Variants in SLC8A3 observed in about 807,000 individuals in gnomAD.
The protein encoded by SLC8A3 is solute carrier family 8 member A3.
SLC8A3 carries 37 observed loss-of-function variants against 65.4 expected under a neutral mutation model. The observed-to-expected ratio is 0.57, with a 90% confidence interval of 0.44 to 0.74. The LOEUF (loss-of-function observed/expected upper bound fraction) is 0.74, where lower values mean the gene tolerates loss of function less well. Among genes scored for constraint, SLC8A3 ranks in the 30% least tolerant of loss-of-function variants. The probability of loss-of-function intolerance (pLI) is 0.00; values close to 1 mark genes in which losing one functional copy is unlikely to be tolerated. For synonymous variants in SLC8A3, 461 were observed against 444.5 expected (o/e 1.04, Z -0.47); for missense variants, 1,112 against 1,172.1 (o/e 0.95, Z 0.75).
chr14:70,053,252 T>C (rs1887702126), intron 3 of SLC8A3, among the ~76,000 whole-genome samples: 1 of 152,200 alleles, frequency 6.6e-6, no homozygotes, highest in African/African-American at 2.4e-5. Context: ...CAAGGATCCA[T>C]GTCTTTCTGC....
chr14:70,098,550 G>GCCCCCA (rs1892346146), intron 2 of SLC8A3, among the ~76,000 whole-genome samples: 2 of 152,160 alleles, frequency 1.3e-5, no homozygotes, highest in African/African-American at 4.8e-5. Flanking sequence ...GGTTAGATGG[G>GCCCCCA]GGCAGCGGGA....
At position 70,098,045 on chromosome 14, in the gene SLC8A3, A is replaced by G. The variant is rs532963235; in HGVS notation, c.1785-37106T>C. On this transcript the variant is annotated intron_variant, in intron 2 of 6. Transcript: ENST00000356921. ...GCCCCATCAGGTCTGTGGGAGGGGA[A>G]ATCTGTAAGCAGCAACATCAATCAC... is the stretch of plus-strand genomic sequence containing the variant. 1.4e-4 allele frequency among the ~76,000 whole-genome samples: 21 copies of G among 152,282 alleles called. 1 individual carries two copies. The South Asian group carries it at 3.5e-3, about 26-fold the overall frequency.
chr14:70,166,259 G>A (rs925631538), intron 2 of SLC8A3, among the ~76,000 whole-genome samples: 1 of 152,170 alleles, frequency 6.6e-6, no homozygotes, highest in African/African-American at 2.4e-5. Context: ...TTCATATGAG[G>A]AAGGGAGGAA....
rs1285456843 is a variant in SLC8A3 at position 70,166,650 on chromosome 14, A to G, written c.1773T>C (p.Asn591=). The change falls in exon 2 of 7, where the codon AAT becomes AAC. Residue 591 remains asparagine (N), a synonymous_variant. Transcript: ENST00000356921. ...GGAAGGTTACTTACACAGTTTCATC[A>G]TTCTTGAATTCCAACTCCCCATATG... The part of the protein sequence containing the change: ...EDTYGELEFK[N]DETVKTIRVK... 6 of 1,585,996 alleles carry G rather than the reference A, an allele frequency of 3.8e-6. No individual in the cohort carries two copies. Among genetic ancestry groups the G allele is most frequent in the East Asian group, 4.5e-5 (2 of 44,658 alleles).
At chr14:70,189,380 G>A (rs563096960), upstream of SLC8A3, among the ~76,000 whole-genome samples, 1 of 152,324 alleles carries the variant, frequency 6.6e-6, no homozygotes, top group East Asian at 1.9e-4. Flanking sequence ...TTGTCCTCAG[G>A]AGACGCTGCC....
At chr14:70,137,923 T>G (rs1265517756) in intron 2 of SLC8A3, among the ~76,000 whole-genome samples, 2 of 151,988 alleles carry the variant, frequency 1.3e-5, no homozygotes, top group Non-Finnish European at 2.9e-5. Flanking sequence ...TTTAAGCAAG[T>G]CTCCTCATTC....
At chr14:70,137,673 G>C (rs992621406) in intron 2 of SLC8A3, among the ~76,000 whole-genome samples, 2 of 151,690 alleles carry the variant, frequency 1.3e-5, no homozygotes, top group African/African-American at 4.8e-5. Flanking sequence ...AGGAGGATGA[G>C]TTTTCAGCAG....
At chr14:70,057,223 A>C (rs1209100114) in intron 3 of SLC8A3, among the ~76,000 whole-genome samples, 1 of 152,190 alleles carries the variant, frequency 6.6e-6, no homozygotes, top group Non-Finnish European at 1.5e-5. Flanking sequence ...TCCCATGTAG[A>C]ATTCCAAAGG....
chr14:70,153,798 A>T (rs78579729), intron 2 of SLC8A3, among the ~76,000 whole-genome samples: 7,457 of 152,242 alleles, frequency 0.049, 223 homozygotes, highest in Middle Eastern at 0.075. Flanking sequence ...TCCTGCTCTC[A>T]TCTCATCACT....
At chr14:70,175,368 C>A (rs1246235191) in intron 1 of SLC8A3, among the ~76,000 whole-genome samples, 1 of 152,018 alleles carries the variant, frequency 6.6e-6, no homozygotes, top group Non-Finnish European at 1.5e-5. Context: ...CATAATTTAC[C>A]CAAGGTCTAC....
chr14:70,154,259 T>C lies in SLC8A3; in HGVS notation c.1784+12380A>G, dbSNP rs141093364. On this transcript the variant is annotated intron_variant, in intron 2 of 6. Coordinates refer to ENST00000356921, the MANE Select transcript of SLC8A3 (RefSeq NM_182932.3). ...GTAACACAATAGAAAGAATATGCAG[T>C]TTAAAATCAGAAGATCTAGGGCTAA... 2.5e-3 allele frequency among the ~76,000 whole-genome samples: 384 copies of C among 152,338 alleles called. 3 individuals are homozygous for C. Among genetic ancestry groups the C allele is most frequent in the African/African-American group, 8.9e-3 (372 of 41,580 alleles).
At chr14:70,054,437 T>C (rs942869943) in intron 3 of SLC8A3, among the ~76,000 whole-genome samples, 1 of 152,040 alleles carries the variant, frequency 6.6e-6, no homozygotes, top group Admixed American at 6.5e-5. Context: ...TTTTAGCTTC[T>C]ATTGATGTTT....
intron 2 of SLC8A3, among the ~76,000 whole-genome samples, chr14:70,104,900 A>G (rs1892754506): frequency 6.6e-6 from 1 of 152,224 alleles, no homozygotes; most frequent in South Asian, 2.1e-4. Flanking sequence ...GCCAGAAAAA[A>G]AAATGAACAA....
At position 70,174,671 on chromosome 14, in the gene SLC8A3, T is replaced by TTG. The variant is rs1566833617; in HGVS notation, c.-62-6188_-62-6187insCA. 4.2e-4 allele frequency among the ~76,000 whole-genome samples: 46 copies of TTG among 110,534 alleles called. 1 individual carries two copies. The highest frequency in any genetic ancestry group is 1.4e-3 in the African/African-American group (45 of 32,440). The allele number at this position is 110,534 out of a possible 152,430, so 72.5% of individuals were successfully genotyped here. ...AATCCGTTTTTTTTTTGTTTTTTTT[T>TTG]TTTTTTTTTTTTTTTTTTTGCCTAT... On this transcript the variant is annotated intron_variant, in intron 1 of 6. Transcript: ENST00000356921.
intron 2 of SLC8A3, among the ~76,000 whole-genome samples, chr14:70,126,595 C>T (rs567496987): frequency 7.4e-4 from 112 of 151,832 alleles, no homozygotes; most frequent in African/African-American, 2.4e-3. Context: ...CACACACACA[C>T]ACACACACAC....
In SLC8A3 at chr14:70,161,288, CAAAAAAAAAAAA is replaced by C. The variant is rs5809474; in HGVS notation, c.1784+5339_1784+5350del. On this transcript the variant is annotated intron_variant, in intron 2 of 6. Coordinates refer to ENST00000356921, the MANE Select transcript of SLC8A3 (RefSeq NM_182932.3). ...TGGGCGACAGAGCGAGACTCCATCT[CAAAAAAAAAAAA>C]AAAAAAAAAAAAAAAAAAGTCTACA... 3.2e-3 allele frequency among the ~76,000 whole-genome samples: 105 copies of C among 33,294 alleles called. No homozygotes were observed. In the East Asian group the frequency reaches 0.046, roughly 15 times the overall value. 21.8% of individuals were successfully genotyped at this position (33,294 alleles called of 152,430 possible).
Position 70,160,194 on chromosome 14 carries a change from C to T in SLC8A3, c.1784+6445G>A, listed in dbSNP as rs913471384. 7.2e-5 allele frequency among the ~76,000 whole-genome samples: 11 copies of T among 152,172 alleles called. No individual in the cohort carries two copies. The East Asian group carries it at 2.1e-3, about 29-fold the overall frequency. On this transcript the variant is annotated intron_variant, in intron 2 of 6. Coordinates refer to ENST00000356921, the MANE Select transcript of SLC8A3 (RefSeq NM_182932.3). ...ACGTGGTAGCTCACGCCTGTAATCC[C>T]AGCTTTTTGGGAGGCCAAGGTGGGC...
rs1194420619 is a variant in SLC8A3 at position 70,182,417 on chromosome 14, GGAGA to G, written c.-63+5958_-63+5961del. On this transcript the variant is annotated intron_variant, in intron 1 of 6. Transcript: ENST00000356921. Reference sequence around the variant, plus strand: ...GGGATAATGGAGAAAGGAAAAATTGGGAGAGAGGAGAGAATCTTGGAGTGGAAGT... The same window carrying G: ...GGGATAATGGAGAAAGGAAAAATTGGGAGGAGAGAATCTTGGAGTGGAAGT... 2.0e-4 allele frequency among the ~76,000 whole-genome samples: 31 copies of G among 152,236 alleles called. No individual in the cohort carries two copies. The East Asian group carries it at 5.6e-3, about 28-fold the overall frequency.
chr14:70,050,652 A>G (rs1887389824), intron 5 of SLC8A3, among the ~76,000 whole-genome samples: 1 of 152,206 alleles, frequency 6.6e-6, no homozygotes, highest in Non-Finnish European at 1.5e-5. Context: ...GACCAAACCC[A>G]TGAAAAGAAA....
Sources: gnomAD v4.1 joint callset for allele counts (sites outside exome capture counted in the v4.1 genomes callset) on GRCh38, gnomAD v4.1.1 for gene constraint, MANE v1.5 for transcripts, NCBI Gene and HGNC (gene_info 2026-07-23, HGNC 2026-07-21) for gene names.